The following TSPAN18 variants were observed in gnomAD, a reference collection of about 807,000 sequenced individuals.
The protein encoded by TSPAN18 is tetraspanin 18.
A neutral mutation model predicts 27.3 loss-of-function variants in TSPAN18; 14 were observed. The observed-to-expected ratio is 0.51, with a 90% CI of 0.34 to 0.80. TSPAN18 has a LOEUF of 0.80. Among genes scored for constraint, TSPAN18 ranks in the 30% least tolerant of loss-of-function variants. TSPAN18 has a pLI of 0.01. For synonymous variants in TSPAN18, 143 were observed against 136.5 expected (o/e 1.05, Z -0.33); for missense variants, 268 against 323.9 (o/e 0.83, Z 1.32).
rs1378284052 is a variant in TSPAN18 at position 44,919,838 on chromosome 11, G to A, written c.454G>A (p.Gly152Arg). ...CTAGTTTGGTTGCTGCGGGGTCAACGGGCCTGAAGACTTTAAGTTTGCATC... is the reference window on the plus strand; with the variant it reads ...CTAGTTTGGTTGCTGCGGGGTCAACAGGCCTGAAGACTTTAAGTTTGCATC... ...MITFGCCGVN[G>R]PEDFKFASVF... is the part of the protein sequence containing the mutation. The change falls in exon 8 of 10, where the codon GGG (glycine) becomes AGG (arginine). Residue 152 changes from glycine to arginine, a missense_variant. Coordinates refer to ENST00000520358, the MANE Select transcript of TSPAN18 (RefSeq NM_130783.5). 13 of 1,614,016 alleles carry A rather than the reference G, an allele frequency of 8.1e-6. No individual in the cohort carries two copies. The highest frequency in any genetic ancestry group is 2.2e-5 in the East Asian group (1 of 44,892).
intron 2 of TSPAN18, among the ~76,000 whole-genome samples, chr11:44,808,978 G>A (rs1440452938): frequency 6.6e-6 from 1 of 152,110 alleles, no homozygotes; most frequent in Non-Finnish European, 1.5e-5. Flanking sequence ...AATCGTAGGA[G>A]CTAACACTGA....
intron 1 of TSPAN18, among the ~76,000 whole-genome samples, chr11:44,743,879 C>G (rs758392791): frequency 2.0e-5 from 3 of 152,298 alleles, no homozygotes; most frequent in Non-Finnish European, 2.9e-5. Context: ...CATCCGAGTA[C>G]CCGGTTTGGG....
At chr11:44,874,755 G>A (rs1660805646) in intron 3 of TSPAN18, among the ~76,000 whole-genome samples, 1 of 152,222 alleles carries the variant, frequency 6.6e-6, no homozygotes, top group Admixed American at 6.5e-5. Context: ...TGGGGAAGCT[G>A]TGAGGAGAGG....
intron 1 of TSPAN18, among the ~76,000 whole-genome samples, chr11:44,746,260 C>A (rs1855074565): frequency 6.6e-6 from 1 of 152,136 alleles, no homozygotes; most frequent in Non-Finnish European, 1.5e-5. Context: ...ATGCTTCTCT[C>A]TGGGACTCCC....
intron 2 of TSPAN18, among the ~76,000 whole-genome samples, chr11:44,825,628 A>G (rs1486816305): frequency 6.6e-6 from 1 of 152,218 alleles, no homozygotes; most frequent in African/African-American, 2.4e-5. Context: ...AGCTGGAAAC[A>G]GGAGTCAGGG....
At chr11:44,866,194 A>C (rs963295943) in intron 3 of TSPAN18, among the ~76,000 whole-genome samples, 2 of 152,242 alleles carry the variant, frequency 1.3e-5, no homozygotes, top group Admixed American at 1.3e-4. Context: ...CAGGACTGGC[A>C]TGGGGCCCAG....
At chr11:44,923,601 G>A (rs1860229318) in intron 8 of TSPAN18, among the ~76,000 whole-genome samples, 1 of 152,206 alleles carries the variant, frequency 6.6e-6, no homozygotes, top group Admixed American at 6.5e-5. Flanking sequence ...GAAAGACCGG[G>A]AATTTGGAAT....
intron 3 of TSPAN18, among the ~76,000 whole-genome samples, chr11:44,905,461 G>C (rs1490182165): frequency 6.6e-6 from 1 of 152,178 alleles, no homozygotes; most frequent in East Asian, 1.9e-4. Context: ...CTGAGTCTCG[G>C]TTTCCCCACC....
At chr11:44,747,449 G>T (rs1312083304) in intron 1 of TSPAN18, among the ~76,000 whole-genome samples, 1 of 152,170 alleles carries the variant, frequency 6.6e-6, no homozygotes, top group African/African-American at 2.4e-5. Flanking sequence ...GCCTCTTAGG[G>T]CTGCTATGAG....
intron 3 of TSPAN18, chr11:44,903,577 GTCCCAGCC>G (rs1859345122): frequency 2.2e-6 from 1 of 456,422 alleles, no homozygotes. Flanking sequence ...AGGGAGGCCA[GTCCCAGCC>G]CAGAGGCTGC....
chr11:44,805,854 C>G (rs747281779), intron 2 of TSPAN18, among the ~76,000 whole-genome samples: 1 of 152,042 alleles, frequency 6.6e-6, no homozygotes, highest in African/African-American at 2.4e-5. Flanking sequence ...TGGCCATCTT[C>G]CCTCTCTCTC....
At chr11:44,855,641 A>G (rs1857715676) in intron 2 of TSPAN18, among the ~76,000 whole-genome samples, 1 of 152,086 alleles carries the variant, frequency 6.6e-6, no homozygotes, top group Admixed American at 6.5e-5. Flanking sequence ...TGTATGAGTC[A>G]AGCTGACACC....
At chr11:44,761,896 C>T (rs772210095) in intron 1 of TSPAN18, among the ~76,000 whole-genome samples, 2 of 152,220 alleles carry the variant, frequency 1.3e-5, no homozygotes, top group Non-Finnish European at 2.9e-5. Context: ...TCTGCGCCAG[C>T]CAAGTCCCAC....
At chr11:44,771,247 G>T (rs1166860512) in intron 2 of TSPAN18, among the ~76,000 whole-genome samples, 1 of 152,234 alleles carries the variant, frequency 6.6e-6, no homozygotes, top group Non-Finnish European at 1.5e-5. Flanking sequence ...ACCTTAGGCA[G>T]GGGCAAAGGT....
intron 1 of TSPAN18, among the ~76,000 whole-genome samples, chr11:44,730,991 G>A (rs1159291555): frequency 1.3e-5 from 2 of 152,182 alleles, no homozygotes; most frequent in East Asian, 1.9e-4. Context: ...TGGCAGGGCT[G>A]GTCTTTCATC....
chr11:44,765,156 A>G (rs1467617952), intron 2 of TSPAN18, among the ~76,000 whole-genome samples: 4 of 152,190 alleles, frequency 2.6e-5, no homozygotes, highest in South Asian at 2.1e-4. Flanking sequence ...TCAGCCACCA[A>G]TGTGACTTAT....
At chr11:44,860,082 G>A (rs1055720688) in intron 2 of TSPAN18, among the ~76,000 whole-genome samples, 2 of 152,156 alleles carry the variant, frequency 1.3e-5, no homozygotes, top group African/African-American at 2.4e-5. Flanking sequence ...GGGTTATGAC[G>A]CTTATGTATT....
At chr11:44,767,013 G>A (rs1046032702) in intron 2 of TSPAN18, among the ~76,000 whole-genome samples, 10 of 152,180 alleles carry the variant, frequency 6.6e-5, no homozygotes, top group African/African-American at 1.9e-4. Flanking sequence ...GAATAGTGTA[G>A]CCTCCCAAGG....
Position 44,931,030 on chromosome 11 carries a change from T to G in TSPAN18, c.*1852T>G, listed in dbSNP as rs1189892132. The G allele has an allele frequency of 6.6e-6, 3 of 455,650 alleles. No homozygotes were observed. The Admixed American group carries it at 7.1e-5, about 11-fold the overall frequency. 28.2% of individuals were successfully genotyped at this position (455,650 alleles called of 1,614,324 possible). On this transcript the variant is annotated 3_prime_UTR_variant, in exon 10 of 10. Transcript: ENST00000520358. ...GAGATGCAGCCAGAAGCTCTGTGCC[T>G]GCTGCAAAGATTCAGGTGGACCCTC...
Sources: gnomAD v4.1 joint callset for allele counts (sites outside exome capture counted in the v4.1 genomes callset) on GRCh38, gnomAD v4.1.1 for gene constraint, MANE v1.5 for transcripts, NCBI Gene and HGNC (gene_info 2026-07-23, HGNC 2026-07-21) for gene names.